The following OR6N1 variants were observed in gnomAD, a reference collection of about 807,000 sequenced individuals.
The protein encoded by OR6N1 is olfactory receptor 6N1.
For missense variants in OR6N1, 394 were observed against 371.7 expected, an observed-to-expected ratio of 1.06 and a Z score of -0.49; for synonymous variants, 170 against 150.7, an observed-to-expected ratio of 1.13 and a Z score of -0.94.
chr1:158,777,463 G>GGT, the OR6N1 span: 1 of 1,614,190 alleles, frequency 6.2e-7, no homozygotes, highest in East Asian at 2.2e-5. Context: ...GTGGTACATA[G>GGT]GTGTGTGCAG....
the OR6N1 span, among the ~76,000 whole-genome samples, chr1:158,837,388 G>A: frequency 2.0e-4 from 31 of 151,726 alleles, no homozygotes; most frequent in South Asian, 8.3e-4. Context: ...GAGCCCTGAT[G>A]TTTTGTGCAT....
At chr1:158,831,530 G>A in the OR6N1 span, 3 of 152,266 alleles carry the variant, frequency 2.0e-5, no homozygotes, top group African/African-American at 7.2e-5. Context: ...GATTTCTGAA[G>A]ACTATTGTGG....
the OR6N1 span, among the ~76,000 whole-genome samples, chr1:158,819,726 C>T: frequency 6.6e-6 from 1 of 152,190 alleles, no homozygotes; most frequent in South Asian, 2.1e-4. Context: ...CCTGTCTGCA[C>T]ATCTCAGCTT....
chr1:158,820,228 G>A, the OR6N1 span, among the ~76,000 whole-genome samples: 4 of 152,166 alleles, frequency 2.6e-5, no homozygotes, highest in African/African-American at 7.2e-5. Flanking sequence ...CCCTCATTCC[G>A]GTAAACCAAC....
chr1:158,831,653 T>C, the OR6N1 span: 1 of 152,168 alleles, frequency 6.6e-6, no homozygotes, highest in African/African-American at 2.4e-5. Context: ...ACCAGAAGTG[T>C]TGTTATCAAT....
At chr1:158,803,981 G>T in the OR6N1 span, among the ~76,000 whole-genome samples, 6 of 152,310 alleles carry the variant, frequency 3.9e-5, no homozygotes, top group African/African-American at 1.4e-4. Flanking sequence ...AGCCAATACT[G>T]TGACACCAGT....
At chr1:158,781,074 G>A in the OR6N1 span, 1 of 152,142 alleles carries the variant, frequency 6.6e-6, no homozygotes, top group Non-Finnish European at 1.5e-5. Context: ...CCAATTGTTG[G>A]ATTTCAAAGT....
chr1:158,814,924 C>A, the OR6N1 span, among the ~76,000 whole-genome samples: 1 of 152,054 alleles, frequency 6.6e-6, no homozygotes. Flanking sequence ...TGCAAACTGA[C>A]CAAGGGCTAT....
At chr1:158,775,680 T>A (rs1345687624), upstream of OR6N1, 1 of 152,124 alleles carries the variant, frequency 6.6e-6, no homozygotes, top group Non-Finnish European at 1.5e-5. Context: ...TGTTGGTAAT[T>A]TACACCAGGG....
chr1:158,834,722 C>A, the OR6N1 span, among the ~76,000 whole-genome samples: 1 of 152,118 alleles, frequency 6.6e-6, no homozygotes, highest in Admixed American at 6.6e-5. Context: ...TGGAGCCTTT[C>A]CCTTTTGTTT....
chr1:158,829,906 C>G, the OR6N1 span, among the ~76,000 whole-genome samples: 1 of 152,194 alleles, frequency 6.6e-6, no homozygotes. Context: ...AAAGAGAGAG[C>G]TTGCTCAGGG....
At chr1:158,835,716 A>G in the OR6N1 span, among the ~76,000 whole-genome samples, 2 of 151,876 alleles carry the variant, frequency 1.3e-5, no homozygotes, top group Admixed American at 6.6e-5. Context: ...AGCAAGAGAA[A>G]TGTTTTCAGT....
the OR6N1 span, among the ~76,000 whole-genome samples, chr1:158,839,037 T>A: frequency 6.6e-6 from 1 of 152,192 alleles, no homozygotes; most frequent in Non-Finnish European, 1.5e-5. Flanking sequence ...TATTTAAGAG[T>A]GCTGTTTTAG....
the OR6N1 span, among the ~76,000 whole-genome samples, chr1:158,799,250 C>T: frequency 3.3e-5 from 5 of 152,282 alleles, no homozygotes; most frequent in East Asian, 5.8e-4. Context: ...TTGTTCACCA[C>T]GTTAGCCAAA....
At chr1:158,773,743 A>G (rs1451645795), upstream of OR6N1, among the ~76,000 whole-genome samples, 1 of 152,138 alleles carries the variant, frequency 6.6e-6, no homozygotes, top group Admixed American at 6.5e-5. Flanking sequence ...TCAAGGCCAT[A>G]GTCTATCCTA....
At chr1:158,777,783 T>G in the OR6N1 span, 1 of 592,806 alleles carries the variant, frequency 1.7e-6, no homozygotes, top group Admixed American at 3.1e-5. Context: ...TTACTATTAC[T>G]GTAAAAATAT....
intron 1 of OR6N1, among the ~76,000 whole-genome samples, chr1:158,767,332 T>TA (rs570511631): frequency 6.8e-4 from 104 of 152,146 alleles, no homozygotes; most frequent in African/African-American, 2.4e-3. Flanking sequence ...TTAGAGTAAA[T>TA]AAAAAAGCCA....
At chr1:158,823,690 T>C in the OR6N1 span, among the ~76,000 whole-genome samples, 11 of 152,088 alleles carry the variant, frequency 7.2e-5, no homozygotes, top group Non-Finnish European at 1.5e-5. Flanking sequence ...TTTCATATGG[T>C]TTTTTGTGTA....
the OR6N1 span, among the ~76,000 whole-genome samples, chr1:158,784,507 C>T: frequency 6.6e-6 from 1 of 152,254 alleles, no homozygotes; most frequent in Admixed American, 6.5e-5. Context: ...TGCAATAGAA[C>T]ACCAGAACTT....
Sources: allele counts gnomAD v4.1 joint callset (sites outside exome capture counted in the v4.1 genomes callset), GRCh38; gene constraint gnomAD v4.1.1; transcripts MANE v1.5; gene names NCBI Gene and HGNC (gene_info 2026-07-23, HGNC 2026-07-21).